Variants in KANK1 observed in about 807,000 individuals in gnomAD.
The protein encoded by KANK1 is KN motif and ankyrin repeat domain-containing protein 1.
A neutral mutation model predicts 106.2 loss-of-function variants in KANK1; 109 were observed. The ratio of observed to expected loss-of-function variants is 1.03; its 90% confidence interval spans 0.88 to 1.20. The LOEUF (loss-of-function observed/expected upper bound fraction) is 1.20, where lower values mean the gene tolerates loss of function less well. Ranked by LOEUF, KANK1 falls within the 50% of genes most tolerant of loss-of-function variation. The pLI, the probability that KANK1 is intolerant of heterozygous loss-of-function variation, is 0.00. For synonymous variants in KANK1, 873 were observed against 652.2 expected (o/e 1.34, Z -5.16); for missense variants, 2,399 against 1,710.7 (o/e 1.40, Z -7.10).
At chr9:480,350 G>T (rs1044465703) in intron 3 of KANK1, among the ~76,000 whole-genome samples, 2 of 152,206 alleles carry the variant, frequency 1.3e-5, no homozygotes, top group Non-Finnish European at 2.9e-5. Flanking sequence ...AGTACAAAAG[G>T]CTAGGTGGAC....
chr9:656,222 G>A (rs981495274), intron 1 of KANK1, among the ~76,000 whole-genome samples: 3 of 152,106 alleles, frequency 2.0e-5, no homozygotes, highest in Non-Finnish European at 4.4e-5. Context: ...GCCTTTCCCA[G>A]CGTGGTGGAG....
chr9:480,211 T>C (rs911388973), intron 3 of KANK1, among the ~76,000 whole-genome samples: 4 of 152,220 alleles, frequency 2.6e-5, no homozygotes, highest in African/African-American at 9.6e-5. Context: ...AAGATCTACT[T>C]AGGTCTATCA....
chr9:683,715 C>CT (rs538451043), intron 2 of KANK1, among the ~76,000 whole-genome samples: 2 of 152,266 alleles, frequency 1.3e-5, no homozygotes, highest in South Asian at 2.1e-4. Flanking sequence ...TGGTAAGTTA[C>CT]TTTTTTTCTT....
chr9:522,082 A>C (rs2059580437), intron 1 of KANK1, among the ~76,000 whole-genome samples: 1 of 151,690 alleles, frequency 6.6e-6, no homozygotes, highest in African/African-American at 2.4e-5. Context: ...TGATTTGTTG[A>C]ATAATGTAAA....
chr9:630,390 A>G (rs894419109), intron 1 of KANK1, among the ~76,000 whole-genome samples: 5 of 151,838 alleles, frequency 3.3e-5, no homozygotes, highest in African/African-American at 4.8e-5. Context: ...CTCTACTAAA[A>G]GTTCAAAAAA....
At chr9:628,457 A>C (rs1834881856) in intron 1 of KANK1, among the ~76,000 whole-genome samples, 1 of 152,220 alleles carries the variant, frequency 6.6e-6, no homozygotes. Context: ...TTAATAGTTA[A>C]CATCTGAAAT....
At chr9:551,076 G>C (rs1201606083) in intron 1 of KANK1, among the ~76,000 whole-genome samples, 1 of 151,944 alleles carries the variant, frequency 6.6e-6, no homozygotes, top group Non-Finnish European at 1.5e-5. Context: ...AATGAATGAG[G>C]AACATGATGT....
intron 1 of KANK1, among the ~76,000 whole-genome samples, chr9:616,709 A>G (rs1486088530): frequency 6.6e-6 from 1 of 150,806 alleles, no homozygotes; most frequent in Non-Finnish European, 1.5e-5. Flanking sequence ...TTTTACTCAT[A>G]TGCTACACGT....
At chr9:689,275 G>A (rs1012649968) in intron 2 of KANK1, among the ~76,000 whole-genome samples, 4 of 152,160 alleles carry the variant, frequency 2.6e-5, no homozygotes, top group Admixed American at 6.5e-5. Context: ...TTGGGGAAAT[G>A]CGTTTGTTGA....
At chr9:718,953 C>CTTTTTT (rs35097931) in intron 3 of KANK1, among the ~76,000 whole-genome samples, 16 of 78,316 alleles carry the variant, frequency 2.0e-4, no homozygotes, top group South Asian at 5.5e-4. Flanking sequence ...TGCTCGAGCC[C>CTTTTTT]TTTTTTTTTT....
chr9:740,719 T>A (rs1835208518), intron 8 of KANK1, 73 bp from the exon 9 acceptor site: 1 of 1,516,218 alleles, frequency 6.6e-7, no homozygotes, highest in Non-Finnish European at 8.9e-7. Flanking sequence ...CACCATCCCT[T>A]CAGTGGCTTC....
intron 1 of KANK1, among the ~76,000 whole-genome samples, chr9:643,848 G>A (rs549385480): frequency 6.1e-4 from 92 of 150,398 alleles, no homozygotes; most frequent in South Asian, 4.2e-3. Flanking sequence ...GATTACAGGT[G>A]CCTGCTACTG....
chr9:648,229 C>T (rs1840133349), intron 1 of KANK1, among the ~76,000 whole-genome samples: 1 of 143,158 alleles, frequency 7.0e-6, no homozygotes, highest in Admixed American at 6.7e-5. Context: ...GTCTCAATCT[C>T]TTGACCCTGT....
intron 3 of KANK1, among the ~76,000 whole-genome samples, chr9:719,848 T>C (rs1436375940): frequency 1.3e-5 from 2 of 152,194 alleles, no homozygotes; most frequent in Non-Finnish European, 2.9e-5. Context: ...ACTTCTGGGC[T>C]CAGGGCTCAA....
At chr9:644,755 C>G (rs1437824616) in intron 1 of KANK1, among the ~76,000 whole-genome samples, 1 of 150,906 alleles carries the variant, frequency 6.6e-6, no homozygotes, top group Non-Finnish European at 1.5e-5. Context: ...CAGATCTAAA[C>G]CATATCAAGC....
intron 3 of KANK1, chr9:484,558 C>T (rs2058259457): frequency 6.6e-6 from 1 of 152,228 alleles, no homozygotes; most frequent in Non-Finnish European, 1.5e-5. Context: ...CATTCTAATA[C>T]ATTACCTCAT....
intron 1 of KANK1, among the ~76,000 whole-genome samples, chr9:617,306 G>C (rs1349768304): frequency 6.6e-6 from 1 of 152,102 alleles, no homozygotes; most frequent in Non-Finnish European, 1.5e-5. Context: ...TTCAAAACCA[G>C]ACATGTCTTT....
intron 1 of KANK1, among the ~76,000 whole-genome samples, chr9:616,275 C>T (rs948788945): frequency 5.3e-5 from 8 of 152,176 alleles, no homozygotes; most frequent in African/African-American, 1.7e-4. Flanking sequence ...TCAGCAGTCA[C>T]TTCAGTGAGT....
At chr9:578,883 T>C (rs894299697) in intron 1 of KANK1, among the ~76,000 whole-genome samples, 1 of 152,180 alleles carries the variant, frequency 6.6e-6, no homozygotes, top group Admixed American at 6.5e-5. Context: ...AAATCCCATC[T>C]CGAAGATGAC....
Sources: allele counts gnomAD v4.1 joint callset (sites outside exome capture counted in the v4.1 genomes callset), GRCh38; gene constraint gnomAD v4.1.1; transcripts MANE v1.5; gene names NCBI Gene and HGNC (gene_info 2026-07-23, HGNC 2026-07-21).